Variants in ZFHX3 observed in about 807,000 individuals in gnomAD.
ZFHX3 encodes the protein zinc finger homeobox protein 3.
A neutral mutation model predicts 279.1 loss-of-function variants in ZFHX3; 42 were observed. The observed-to-expected ratio is 0.15, with a 90% CI of 0.12 to 0.19. The LOEUF (loss-of-function observed/expected upper bound fraction) is 0.19. Among genes scored for constraint, ZFHX3 ranks in the 10% least tolerant of loss-of-function variants. ZFHX3 has a pLI of 1.00. For synonymous variants in ZFHX3, 2,293 were observed against 1,957.8 expected, an observed-to-expected ratio of 1.17 and a Z score of -4.52; for missense variants, 4,981 against 4,754.0, an observed-to-expected ratio of 1.05 and a Z score of -1.40.
At chr16:73,634,585 T>A (rs948232855) in intron 2 of ZFHX3, among the ~76,000 whole-genome samples, 1 of 151,906 alleles carries the variant, frequency 6.6e-6, no homozygotes, top group African/African-American at 2.4e-5. Context: ...ATCAGCAGGT[T>A]ATTTAACCCA....
intron 2 of ZFHX3, among the ~76,000 whole-genome samples, chr16:73,642,529 A>G (rs763454310): frequency 1.3e-5 from 2 of 152,220 alleles, no homozygotes; most frequent in Non-Finnish European, 1.5e-5. Context: ...TCAAAGATAA[A>G]CAGCTCTGTT....
intron 3 of ZFHX3, among the ~76,000 whole-genome samples, chr16:72,928,045 G>A (rs933454259): frequency 3.4e-5 from 5 of 144,948 alleles, no homozygotes; most frequent in Non-Finnish European, 6.1e-5. Context: ...GGCTGGCACC[G>A]TGCCAAGGCC....
At chr16:73,251,464 C>A (rs957653982) in intron 5 of ZFHX3, among the ~76,000 whole-genome samples, 1 of 152,112 alleles carries the variant, frequency 6.6e-6, no homozygotes, top group African/African-American at 2.4e-5. Flanking sequence ...GGCATATGCA[C>A]AATTACTAGC....
chr16:72,802,095 TG>T (rs968524022), intron 7 of ZFHX3, among the ~76,000 whole-genome samples: 4 of 152,066 alleles, frequency 2.6e-5, no homozygotes, highest in African/African-American at 9.7e-5. Context: ...TAGAAAACTG[TG>T]GGCTTTTCAT....
At position 73,356,367 on chromosome 16, in the gene ZFHX3, C is replaced by T. The variant is rs1024075597; in HGVS notation, c.-1290-38031G>A. 3.3e-5 allele frequency among the ~76,000 whole-genome samples: 5 copies of T among 150,922 alleles called. No individual in the cohort carries two copies. The South Asian group carries it at 8.3e-4, about 25-fold the overall frequency. ...CCACGGGTCACTCTGGGGTTTTCCT[C>T]TTCATAATTTTATCAGAAAAACCCT... On this transcript the variant is annotated intron_variant, in intron 3 of 17. Coordinates refer to the ZFHX3 transcript ENST00000641206.
At chr16:72,866,904 A>G (rs1334566734) in intron 4 of ZFHX3, among the ~76,000 whole-genome samples, 1 of 152,262 alleles carries the variant, frequency 6.6e-6, no homozygotes, top group East Asian at 1.9e-4. Flanking sequence ...AATGACCTGG[A>G]AACAATGGGA....
chr16:72,970,606 T>G (rs529123414), intron 1 of ZFHX3, among the ~76,000 whole-genome samples: 28 of 152,248 alleles, frequency 1.8e-4, no homozygotes, highest in Admixed American at 9.2e-4. Flanking sequence ...TCTCCTACCT[T>G]GCAAGCCCGC....
At position 72,957,569 on chromosome 16, in the gene ZFHX3, G is replaced by A. The variant is rs777344976; in HGVS notation, c.2577C>T (p.Ala859=). ...GLGSLPSPAE[A]ELYQYYLAQN... ...GGGCCAGGTAGTATTGGTAGAGCTC[G>A]GCCTCGGCGGGTGAGGGCAGGCTGC... is the stretch of plus-strand genomic sequence containing the variant. Residue 859 remains alanine, a synonymous_variant, in exon 2 of 10, where the codon GCC becomes GCT. Coordinates refer to ENST00000268489, the MANE Select transcript of ZFHX3 (RefSeq NM_006885.4). 25 of 1,614,056 alleles carry A rather than the reference G, an allele frequency of 1.5e-5. No individual in the cohort carries two copies. The highest frequency in any genetic ancestry group is 1.1e-4 in the East Asian group (5 of 44,872).
intron 5 of ZFHX3, among the ~76,000 whole-genome samples, chr16:73,226,951 G>A (rs766507945): frequency 3.3e-5 from 5 of 152,228 alleles, no homozygotes; most frequent in Non-Finnish European, 7.4e-5. Context: ...AATTCATCAC[G>A]TGTATTTAAA....
intron 1 of ZFHX3, among the ~76,000 whole-genome samples, chr16:73,775,014 A>G (rs770940411): frequency 4.9e-4 from 75 of 151,650 alleles, no homozygotes; most frequent in Non-Finnish European, 7.7e-4. Context: ...GCTAGCAGCC[A>G]TGGAAATAGT....
intron 5 of ZFHX3, among the ~76,000 whole-genome samples, chr16:73,242,962 G>A (rs1471970094): frequency 6.6e-6 from 1 of 152,198 alleles, no homozygotes; most frequent in East Asian, 1.9e-4. Context: ...CCAGAAGGAC[G>A]TGGCAATAGC....
chr16:73,569,734 C>T (rs1311853617), intron 2 of ZFHX3, among the ~76,000 whole-genome samples: 2 of 152,132 alleles, frequency 1.3e-5, no homozygotes, highest in Non-Finnish European at 1.5e-5. Context: ...TTAGGTCTGC[C>T]AGTGAAACCT....
chr16:73,844,300 C>A (rs757761487), intron 1 of ZFHX3, among the ~76,000 whole-genome samples: 13 of 152,096 alleles, frequency 8.5e-5, no homozygotes, highest in Non-Finnish European at 1.9e-4. Flanking sequence ...GGGGGTTGAA[C>A]AGGACAGCTG....
At chr16:73,032,431 C>CA (rs1312162123) in intron 1 of ZFHX3, among the ~76,000 whole-genome samples, 3 of 152,176 alleles carry the variant, frequency 2.0e-5, no homozygotes, top group African/African-American at 7.2e-5. Context: ...TCAGAAAGAA[C>CA]AAAAAAACCA....
chr16:73,249,801 G>A (rs1347981858), intron 5 of ZFHX3, among the ~76,000 whole-genome samples: 1 of 148,226 alleles, frequency 6.7e-6, no homozygotes, highest in African/African-American at 2.5e-5. Flanking sequence ...AAGAAAAATG[G>A]GCAAATGAAT....
chr16:73,065,611 G>T (rs1965741244), intron 8 of ZFHX3, among the ~76,000 whole-genome samples: 1 of 135,454 alleles, frequency 7.4e-6, no homozygotes, highest in South Asian at 2.5e-4. Flanking sequence ...GTGTGTGCGT[G>T]TGTGTGTCTC....
At chr16:73,624,473 G>A (rs2052396912) in intron 2 of ZFHX3, among the ~76,000 whole-genome samples, 1 of 152,100 alleles carries the variant, frequency 6.6e-6, no homozygotes, top group Non-Finnish European at 1.5e-5. Context: ...TCAGGGGGCA[G>A]GAGGGAGGAA....
intron 1 of ZFHX3, among the ~76,000 whole-genome samples, chr16:73,025,016 C>T (rs1173133473): frequency 2.0e-5 from 3 of 152,200 alleles, no homozygotes; most frequent in African/African-American, 7.2e-5. Flanking sequence ...CCCTCTCCCA[C>T]ATATGATCTC....
intron 5 of ZFHX3, among the ~76,000 whole-genome samples, chr16:73,240,527 T>C (rs2013089997): frequency 6.6e-6 from 1 of 152,092 alleles, no homozygotes; most frequent in Admixed American, 6.5e-5. Flanking sequence ...CGTTGCAGGG[T>C]ATTTTAAATG....
Sources: gnomAD v4.1 joint callset for allele counts (sites outside exome capture counted in the v4.1 genomes callset) on GRCh38, gnomAD v4.1.1 for gene constraint, MANE v1.5 for transcripts, NCBI Gene and HGNC (gene_info 2026-07-23, HGNC 2026-07-21) for gene names.